Variants in SPNS1 observed in about 807,000 individuals in gnomAD.
SPNS1 encodes SPNS lysolipid transporter 1, lysophospholipid, also known as protein spinster homolog 1.
Under a neutral mutation model 50.3 loss-of-function variants are expected in SPNS1, and 22 were observed. That is an observed-to-expected ratio of 0.44 (90% CI 0.31 to 0.62). The LOEUF is 0.62. Ranked by LOEUF, SPNS1 falls within the 20% of genes least tolerant of loss-of-function variation. The pLI is 0.07. For synonymous variants in SPNS1, 295 were observed against 317.4 expected (o/e 0.93, Z 0.75); for missense variants, 576 against 728.6 (o/e 0.79, Z 2.41).
chr16:28,982,252 G>A, intron 7 of SPNS1, 104 bp from the exon 8 acceptor site: 1 of 1,390,574 alleles, frequency 7.2e-7, no homozygotes, highest in Non-Finnish European at 9.9e-7. Flanking sequence ...ACCATGGGGT[G>A]CTGTGTCTGT....
intron 5 of SPNS1, 164 bp downstream of exon 5, chr16:28,979,635 G>A: frequency 2.8e-6 from 2 of 719,064 alleles, no homozygotes; most frequent in Non-Finnish European, 4.7e-6. Flanking sequence ...ACTGTAGCCT[G>A]GAACGCCTGA....
Position 28,974,905 on chromosome 16 carries a change from C to G in SPNS1, c.-247C>G. The G allele has an allele frequency of 6.6e-7, 1 of 1,524,884 alleles. No homozygotes were observed. Among genetic ancestry groups the G allele is most frequent in the South Asian group, 1.2e-5 (1 of 83,000 alleles). The allele number at this position is 1,524,884 out of a possible 1,614,324, so 94.5% of individuals were successfully genotyped here. On this transcript the variant is annotated 5_prime_UTR_variant, in exon 1 of 12. Transcript: ENST00000311008. ...GCGTGGGATCGTGCCCTCTTCAGCC[C>G]GCTCCTGTCCCCGACATCACGTGTA...
intron 3 of SPNS1, chr16:28,978,882 G>C: frequency 2.3e-6 from 1 of 438,394 alleles, no homozygotes; most frequent in Non-Finnish European, 4.1e-6. Flanking sequence ...GTCTTATTTA[G>C]ACCTTTTATT....
intron 2 of SPNS1, among the ~76,000 whole-genome samples, chr16:28,976,327 G>C (rs956841019): frequency 2.0e-5 from 3 of 152,100 alleles, no homozygotes; most frequent in Non-Finnish European, 2.9e-5. Context: ...GGAGAGGTGT[G>C]TTTTACTTGT....
intron 2 of SPNS1, 22 bp downstream of exon 2, chr16:28,975,579 T>C (rs1383525188): frequency 2.5e-6 from 4 of 1,613,134 alleles, no homozygotes; most frequent in East Asian, 4.5e-5. Flanking sequence ...CCACTCCTGG[T>C]CACACAGCCG....
Position 28,982,456 on chromosome 16 carries a change from C to G in SPNS1, c.1066C>G (p.Pro356Ala). The change falls in exon 8 of 12, where the codon CCC (proline) becomes GCC (alanine). Residue 356 changes from proline to alanine, a missense_variant. By Grantham distance (27) the Pro-to-Ala change is conservative. This residue lies in a region of SPNS1 where 428 missense variants were observed against 520.1 expected (regional missense o/e 0.82). Coordinates refer to ENST00000311008, the MANE Select transcript of SPNS1 (RefSeq NM_032038.3). ...CCGCCACTCCAACCCCCGGGCTGAT[C>G]CCCTGGTCTGTGCCACTGGCCTCCT... ...RLRHSNPRAD[P>A]LVCATGLLGS... is the part of the protein sequence containing the mutation. 1.2e-6 allele frequency: 2 copies of G among 1,613,898 alleles called. No homozygotes were observed. Among genetic ancestry groups the G allele is most frequent in the Non-Finnish European group, 1.7e-6 (2 of 1,179,960 alleles).
intron 2 of SPNS1, among the ~76,000 whole-genome samples, chr16:28,976,596 T>G (rs1164319559): frequency 2.0e-5 from 3 of 152,194 alleles, no homozygotes; most frequent in Non-Finnish European, 4.4e-5. Flanking sequence ...ATAAAGAAAC[T>G]GAGGCTTGGA....
At position 28,981,848 on chromosome 16, in the gene SPNS1, C is replaced by A. The variant is rs1179292528; in HGVS notation, c.810-53C>A. ...CAGGAAGGGAGAAGAGAGGTCCCCT[C>A]CTGCCTCGACACCTCCGTGGGGTCT... On this transcript the variant is annotated intron_variant, in intron 6 of 11. Transcript: ENST00000311008. This position sits in a 1 kb window ranked among gnomAD's most constrained non-coding sequence, Gnocchi z 4.2. The A allele has an allele frequency of 1.2e-6, 2 of 1,604,066 alleles. No homozygotes were observed. Among genetic ancestry groups the A allele is most frequent in the Non-Finnish European group, 1.7e-6 (2 of 1,172,936 alleles).
intron 4 of SPNS1, 29 bp downstream of exon 4, chr16:28,979,335 C>A: frequency 6.2e-7 from 1 of 1,613,992 alleles, no homozygotes; most frequent in East Asian, 2.2e-5. Flanking sequence ...TGGGGGAAGG[C>A]AGAAGGGCCT....
At chr16:28,982,725 G>T in intron 8 of SPNS1, 132 bp from the exon 9 acceptor site, 1 of 1,228,114 alleles carries the variant, frequency 8.1e-7, no homozygotes, top group East Asian at 2.3e-5. Context: ...GTGTAAAATG[G>T]GGATATTAGT....
chr16:28,974,943 C>T lies in SPNS1; in HGVS notation c.-209C>T, dbSNP rs1178363253. On this transcript the variant is annotated 5_prime_UTR_variant, in exon 1 of 12. Coordinates refer to ENST00000311008, the MANE Select transcript of SPNS1 (RefSeq NM_032038.3). The stretch of plus-strand genomic sequence containing the variant: ...GACATCACGTGTATTCCGCACGTCC[C>T]CTCCGCGCTGTGTGTCTACTGAGAC... 6.7e-7 allele frequency: 1 copy of T among 1,493,172 alleles called. No individual in the cohort carries two copies. The highest frequency in any genetic ancestry group is 2.5e-5 in the East Asian group (1 of 40,158). 92.5% of individuals were successfully genotyped at this position (1,493,172 alleles called of 1,614,324 possible).
In SPNS1 at chr16:28,981,726, C is replaced by A; in HGVS notation, c.809+111C>A. The A allele has an allele frequency of 1.3e-6, 2 of 1,520,022 alleles. No homozygotes were observed. The highest frequency in any genetic ancestry group is 1.2e-5 in the South Asian group (1 of 80,256). 94.2% of individuals were successfully genotyped at this position (1,520,022 alleles called of 1,614,324 possible). A position where few individuals can be genotyped will look rare whatever the true frequency, so the allele number is the denominator to read the frequency against. ...CACACCCCAAGGCCAGTAATTCGGTCGATACTGTCCCCTTGTGGCAGCTGC... is the reference window on the plus strand; with the variant it reads ...CACACCCCAAGGCCAGTAATTCGGTAGATACTGTCCCCTTGTGGCAGCTGC... On this transcript the variant is annotated intron_variant, in intron 6 of 11. Coordinates refer to ENST00000311008, the MANE Select transcript of SPNS1 (RefSeq NM_032038.3). This position sits in a 1 kb window ranked among gnomAD's most constrained non-coding sequence, Gnocchi z 4.2.
In SPNS1 at chr16:28,981,469, G is replaced by A; in HGVS notation, c.664-1G>A. 6.2e-7 allele frequency: 1 copy of A among 1,613,998 alleles called. No homozygotes were observed. Among genetic ancestry groups the A allele is most frequent in the Non-Finnish European group, 8.5e-7 (1 of 1,179,960 alleles). ...CTATCCTGAAGCCCTCTGTCTCCCA[G>A]GTGACACCGGGTCTAGGAGTGGTGG... On this transcript the variant is annotated splice_acceptor_variant, in intron 5 of 11. Coordinates refer to ENST00000311008, the MANE Select transcript of SPNS1 (RefSeq NM_032038.3). LOFTEE classifies it high-confidence loss of function. This position sits in a 1 kb window ranked among gnomAD's most constrained non-coding sequence, Gnocchi z 4.2.
At chr16:28,982,572 G>A (rs763089190) in intron 8 of SPNS1, 27 bp downstream of exon 8, 1 of 1,582,924 alleles carries the variant, frequency 6.3e-7, no homozygotes, top group East Asian at 2.2e-5. Flanking sequence ...TGTCAAGGGG[G>A]ATGGCGTGGG....
rs1428471690 is a variant in SPNS1 at position 28,982,181 on chromosome 16, C to T, written c.965+125C>T. ...CACAAGCTGCCTGCTCTCCTGGAAT[C>T]TCCGTTTCCTGGTCTGGGAAATAAG... On this transcript the variant is annotated intron_variant, in intron 7 of 11. Coordinates refer to ENST00000311008, the MANE Select transcript of SPNS1 (RefSeq NM_032038.3). The T allele has an allele frequency of 5.0e-6, 7 of 1,389,986 alleles. No homozygotes were observed. In the East Asian group the frequency reaches 1.2e-4, roughly 24 times the overall value. The allele number at this position is 1,389,986 out of a possible 1,614,324, so 86.1% of individuals were successfully genotyped here.
Position 28,983,768 on chromosome 16 carries a change from T to G in SPNS1, c.1321-18T>G, listed in dbSNP as rs747058489. On this transcript the variant is annotated intron_variant, in intron 10 of 11. Transcript: ENST00000311008. This position sits in a 1 kb window ranked among gnomAD's most constrained non-coding sequence, Gnocchi z 5.4. ...ATGAGGCTGACTCCCCTGGCTTTCC[T>G]GTCTCCTCTCCCTGCAGATCTCTGA... 1 of 1,561,268 alleles carries G rather than the reference T, an allele frequency of 6.4e-7. No homozygotes were observed. The highest frequency in any genetic ancestry group is 1.8e-5 in the Admixed American group (1 of 54,494).
chr16:28,979,495 G>T (rs756966427), intron 5 of SPNS1, 24 bp downstream of exon 5: 2 of 1,613,164 alleles, frequency 1.2e-6, no homozygotes, highest in Non-Finnish European at 1.7e-6. Context: ...TGGCCTGGGG[G>T]TAGGTCAGCG....
At position 28,975,548 on chromosome 16, in the gene SPNS1, A is replaced by C. The variant is rs1965313596; in HGVS notation, c.298A>C (p.Ile100Leu). 3.7e-6 allele frequency: 6 copies of C among 1,614,214 alleles called. No individual in the cohort carries two copies. In the African/African-American group the frequency reaches 5.3e-5, roughly 14 times the overall value. Residue 100 changes from isoleucine to leucine, a missense_variant, in exon 2 of 12, where the codon ATC becomes CTC. By Grantham distance (5) the Ile-to-Leu change is conservative. Transcript: ENST00000311008. ...CATCGGGGACAGTAGCTCTGGGCTCATCCAGACCGGTGAGTGGGGACCACT... is the reference window on the plus strand; with the variant it reads ...CATCGGGGACAGTAGCTCTGGGCTCCTCCAGACCGGTGAGTGGGGACCACT... The part of the protein sequence containing the change: ...FNIGDSSSGL[I>L]QTVFISSYMV...
At position 28,975,184 on chromosome 16, in the gene SPNS1, C is replaced by A; in HGVS notation, c.33C>A (p.Ser11Arg). The A allele has an allele frequency of 6.7e-7, 1 of 1,495,004 alleles. No individual in the cohort carries two copies. The highest frequency in any genetic ancestry group is 1.3e-5 in the South Asian group (1 of 79,838). The allele number at this position is 1,495,004 out of a possible 1,614,324, so 92.6% of individuals were successfully genotyped here. Residue 11 changes from serine (S) to arginine (R), a missense_variant, in exon 1 of 12, where the codon AGC becomes AGA. Physicochemically the swap from Ser to Arg is moderately radical, Grantham distance 110. Coordinates refer to ENST00000311008, the MANE Select transcript of SPNS1 (RefSeq NM_032038.3). ...GGTCCGACACCGCGCCCTTCCTCAG[C>A]CAGGCGGATGACCCGGACGACGGGC... Reference protein sequence around the residue: MAGSDTAPFLSQADDPDDGPV... With the variant: MAGSDTAPFLRQADDPDDGPV...
Sources: gnomAD v4.1 joint callset for allele counts (sites outside exome capture counted in the v4.1 genomes callset) on GRCh38, gnomAD v4.1.1 for gene constraint, gnomAD v4.1.1 regional missense constraint, Gnocchi (gnomAD v3.1) non-coding constraint, MANE v1.5 for transcripts, NCBI Gene and HGNC (gene_info 2026-07-23, HGNC 2026-07-21) for gene names.